The following FANCL variants were observed in gnomAD, a reference collection of about 807,000 sequenced individuals.
FANCL encodes the protein FA complementation group L.
In FANCL, 69 loss-of-function variants were observed where a neutral mutation model predicts 59.4. The observed-to-expected ratio is 1.16, with a 90% CI of 0.96 to 1.42. The LOEUF (loss-of-function observed/expected upper bound fraction) is 1.42. Ranked by LOEUF, FANCL falls within the 40% of genes most tolerant of loss-of-function variation. The pLI is 0.00. For missense variants in FANCL, 519 were observed against 447.2 expected, an observed-to-expected ratio of 1.16 and a Z score of -1.45; for synonymous variants, 180 against 147.1, an observed-to-expected ratio of 1.22 and a Z score of -1.62.
chr2:58,213,613 C>G (rs1691401416), intron 5 of FANCL: 1 of 151,886 alleles, frequency 6.6e-6, no homozygotes, highest in South Asian at 2.1e-4. Flanking sequence ...CAGCGAACAC[C>G]TGTTAATCCC....
At chr2:58,229,737 A>G in intron 3 of FANCL, 77 bp downstream of exon 3, 1 of 1,061,246 alleles carries the variant, frequency 9.4e-7, no homozygotes, top group East Asian at 2.4e-5. Context: ...CATTGTGCAA[A>G]GCAGGTCTTT....
chr2:58,172,463 G>A (rs1301296850), intron 7 of FANCL, among the ~76,000 whole-genome samples: 1 of 152,176 alleles, frequency 6.6e-6, no homozygotes, highest in Non-Finnish European at 1.5e-5. Context: ...CTGTTCTGCA[G>A]CCACCGCTAC....
At chr2:58,165,918 C>A in intron 7 of FANCL, 44 bp from the exon 8 acceptor site, 1 of 1,575,106 alleles carries the variant, frequency 6.3e-7, no homozygotes, top group Non-Finnish European at 8.7e-7. Context: ...GGTACTCTAC[C>A]AATAGCAGAT....
chr2:58,222,801 T>C (rs1010974862), intron 4 of FANCL, among the ~76,000 whole-genome samples: 8 of 152,042 alleles, frequency 5.3e-5, no homozygotes, highest in Admixed American at 3.9e-4. Context: ...ACAAATTACT[T>C]AGATGTTCAT....
At chr2:58,217,031 T>G (rs1691789222) in intron 5 of FANCL, among the ~76,000 whole-genome samples, 1 of 149,218 alleles carries the variant, frequency 6.7e-6, no homozygotes, top group Non-Finnish European at 1.5e-5. Flanking sequence ...TTGCAGACTC[T>G]GTATGACTGA....
chr2:58,160,855 T>C (rs921821554), intron 12 of FANCL, among the ~76,000 whole-genome samples: 1 of 151,988 alleles, frequency 6.6e-6, no homozygotes, highest in African/African-American at 2.4e-5. Flanking sequence ...AAAGTAAAGA[T>C]GTGATATTAA....
chr2:58,168,279 G>C (rs1573541826), intron 7 of FANCL, among the ~76,000 whole-genome samples: 2 of 152,266 alleles, frequency 1.3e-5, no homozygotes, highest in East Asian at 3.9e-4. Context: ...TGGTTAGATA[G>C]TGGGTGCAGC....
intron 7 of FANCL, among the ~76,000 whole-genome samples, chr2:58,176,919 C>CA (rs1225738671): frequency 6.6e-6 from 1 of 151,740 alleles, no homozygotes; most frequent in Non-Finnish European, 1.5e-5. Context: ...ACAAAGAACT[C>CA]AAACAAATTT....
chr2:58,217,215 TACACAC>T (rs368257506), intron 5 of FANCL, among the ~76,000 whole-genome samples: 586 of 20,260 alleles, frequency 0.029, 12 homozygotes, highest in East Asian at 0.053. Context: ...TATATATATA[TACACAC>T]ACACACACAC....
At chr2:58,164,177 G>A (rs531360490) in intron 8 of FANCL, among the ~76,000 whole-genome samples, 107 of 152,066 alleles carry the variant, frequency 7.0e-4, no homozygotes, top group African/African-American at 2.4e-3. Context: ...GGACTACAGC[G>A]TAAGTTTCAG....
chr2:58,187,705 A>G (rs1470021521), intron 7 of FANCL, among the ~76,000 whole-genome samples: 1 of 152,144 alleles, frequency 6.6e-6, no homozygotes, highest in Non-Finnish European at 1.5e-5. Flanking sequence ...CTTTTTACAC[A>G]TGAAATAAAT....
intron 5 of FANCL, among the ~76,000 whole-genome samples, chr2:58,209,484 A>G (rs1015690623): frequency 1.3e-5 from 2 of 152,156 alleles, no homozygotes; most frequent in Non-Finnish European, 2.9e-5. Context: ...ACTGAAAACC[A>G]TACTGGTTAA....
chr2:58,181,445 T>C (rs1687931456), intron 7 of FANCL, among the ~76,000 whole-genome samples: 1 of 152,050 alleles, frequency 6.6e-6, no homozygotes, highest in African/African-American at 2.4e-5. Context: ...GACTGTGGAT[T>C]GCACTGGTGT....
intron 7 of FANCL, among the ~76,000 whole-genome samples, chr2:58,172,084 C>T (rs1686699311): frequency 6.6e-6 from 1 of 152,372 alleles, no homozygotes; most frequent in South Asian, 2.1e-4. Context: ...CTTAGGAAAA[C>T]AAAGCAGCCG....
chr2:58,234,703 T>C (rs1416095254), intron 1 of FANCL, among the ~76,000 whole-genome samples: 1 of 152,012 alleles, frequency 6.6e-6, no homozygotes, highest in Non-Finnish European at 1.5e-5. Context: ...CAACAGATTT[T>C]CAAAATAAGA....
At chr2:58,222,326 A>T (rs984662276) in intron 4 of FANCL, among the ~76,000 whole-genome samples, 3 of 151,240 alleles carry the variant, frequency 2.0e-5, no homozygotes, top group Non-Finnish European at 3.0e-5. Flanking sequence ...TAAAAAAAAA[A>T]TTTTTATTAA....
chr2:58,164,884 G>A (rs542829961), intron 8 of FANCL, among the ~76,000 whole-genome samples: 7 of 152,014 alleles, frequency 4.6e-5, no homozygotes, highest in Admixed American at 6.6e-5. Flanking sequence ...CTTTCTTCTC[G>A]TAATACCACG....
intron 7 of FANCL, among the ~76,000 whole-genome samples, chr2:58,174,609 T>C (rs914510186): frequency 1.3e-5 from 2 of 152,082 alleles, no homozygotes; most frequent in African/African-American, 2.4e-5. Flanking sequence ...AGACACAATA[T>C]ACCAGAATCT....
intron 4 of FANCL, among the ~76,000 whole-genome samples, chr2:58,226,190 CT>C (rs1373416631): frequency 2.0e-5 from 3 of 152,058 alleles, no homozygotes; most frequent in African/African-American, 7.2e-5. Context: ...AATCTTCCCT[CT>C]TCTTTTGTTT....
Sources: allele counts gnomAD v4.1 joint callset (sites outside exome capture counted in the v4.1 genomes callset), GRCh38; gene constraint gnomAD v4.1.1; transcripts MANE v1.5; gene names NCBI Gene and HGNC (gene_info 2026-07-23, HGNC 2026-07-21).